ROBO2: variants seen among roughly 807,000 people sequenced by gnomAD.
ROBO2 encodes the protein roundabout guidance receptor 2, also known as roundabout homolog 2.
Under a neutral mutation model 160.8 loss-of-function variants are expected in ROBO2, and 53 were observed. That is an observed-to-expected ratio of 0.33 (90% confidence interval 0.26 to 0.41). The LOEUF (loss-of-function observed/expected upper bound fraction) is 0.41, where lower values mean the gene tolerates loss of function less well. Ranked by LOEUF, ROBO2 falls within the 10% of genes least tolerant of loss-of-function variation. The pLI is 1.00. For synonymous variants in ROBO2, 664 were observed against 611.7 expected, an observed-to-expected ratio of 1.09 and a Z score of -1.26; for missense variants, 1,577 against 1,722.4, an observed-to-expected ratio of 0.92 and a Z score of 1.49.
chr3:76,457,103 C>G (rs2077803364), intron 2 of ROBO2, among the ~76,000 whole-genome samples: 1 of 152,156 alleles, frequency 6.6e-6, no homozygotes, highest in South Asian at 2.1e-4. Flanking sequence ...ATTTCAAAAC[C>G]AACCATGCCT....
intron 16 of ROBO2, among the ~76,000 whole-genome samples, chr3:77,581,968 A>G (rs1373213751): frequency 6.6e-6 from 1 of 151,848 alleles, no homozygotes; most frequent in Non-Finnish European, 1.5e-5. Flanking sequence ...TTTTAAATTT[A>G]CCCTTTATTA....
chr3:76,857,030 G>T (rs1446802852), intron 2 of ROBO2, among the ~76,000 whole-genome samples: 1 of 152,116 alleles, frequency 6.6e-6, no homozygotes, highest in East Asian at 1.9e-4. Context: ...CTGTTGCCCA[G>T]GCTGGAGTGC....
intron 2 of ROBO2, among the ~76,000 whole-genome samples, chr3:75,957,280 G>T: frequency 6.7e-6 from 1 of 149,386 alleles, no homozygotes; most frequent in African/African-American, 2.5e-5. Flanking sequence ...CACACATTAG[G>T]TTTTCATTTG....
intron 2 of ROBO2, among the ~76,000 whole-genome samples, chr3:77,213,960 C>T (rs899486500): frequency 1.1e-4 from 17 of 152,084 alleles, no homozygotes; most frequent in Non-Finnish European, 2.2e-4. Context: ...GTTATCATTT[C>T]TGTTTTTTTA....
intron 2 of ROBO2, among the ~76,000 whole-genome samples, chr3:76,683,580 A>C (rs2092618961): frequency 6.6e-6 from 1 of 152,058 alleles, no homozygotes. Context: ...GTTGATTACA[A>C]ATGTTTCATT....
chr3:76,183,897 T>C (rs920218089), intron 2 of ROBO2, among the ~76,000 whole-genome samples: 3 of 152,184 alleles, frequency 2.0e-5, no homozygotes, highest in Non-Finnish European at 4.4e-5. Context: ...TAAGAATGAT[T>C]AATTTGATTT....
chr3:76,135,553 T>G (rs1170079030), intron 2 of ROBO2, among the ~76,000 whole-genome samples: 1 of 152,134 alleles, frequency 6.6e-6, no homozygotes, highest in Non-Finnish European at 1.5e-5. Flanking sequence ...GGGAAAGATG[T>G]TATGGGCTGG....
intron 2 of ROBO2, among the ~76,000 whole-genome samples, chr3:76,811,807 TTC>T (rs2065187895): frequency 1.5e-5 from 1 of 66,292 alleles, no homozygotes; most frequent in Non-Finnish European, 3.3e-5. Context: ...CCTTCCTTCC[TTC>T]CTTCCTTCCT....
At chr3:76,301,632 A>G (rs1709361789) in intron 2 of ROBO2, among the ~76,000 whole-genome samples, 1 of 152,050 alleles carries the variant, frequency 6.6e-6, no homozygotes, top group Non-Finnish European at 1.5e-5. Flanking sequence ...GAAAGTTACT[A>G]AAGTTGCTTT....
At chr3:76,913,232 C>G (rs144116776) in intron 2 of ROBO2, among the ~76,000 whole-genome samples, 1 of 152,052 alleles carries the variant, frequency 6.6e-6, no homozygotes, top group Non-Finnish European at 1.5e-5. Flanking sequence ...GATGAGTGAG[C>G]GTTTTAGGTG....
intron 2 of ROBO2, among the ~76,000 whole-genome samples, chr3:77,158,055 T>C (rs1452373782): frequency 6.6e-6 from 1 of 152,058 alleles, no homozygotes; most frequent in African/African-American, 2.4e-5. Flanking sequence ...AGTTGTCTAG[T>C]CCCTAAACAC....
At chr3:77,224,776 A>G (rs997774988) in intron 2 of ROBO2, among the ~76,000 whole-genome samples, 1 of 151,856 alleles carries the variant, frequency 6.6e-6, no homozygotes, top group Non-Finnish European at 1.5e-5. Context: ...GGGCAGAAGA[A>G]TCTTGATAGT....
rs1315057543 is a variant in ROBO2 at position 76,113,937 on chromosome 3, C to T, written c.109+176335C>T. Among the ~76,000 whole-genome samples the T allele has an allele frequency of 5.3e-5, 8 of 152,136 alleles. No homozygotes were observed. The East Asian group carries it at 1.4e-3, about 26-fold the overall frequency. On this transcript the variant is annotated intron_variant, in intron 2 of 26. Transcript: ENST00000487694. ...GCCCCTCTTCCTCTCTTTCTTGCCC[C>T]CTCTCTTGCCATGTGACACACCTGC...
intron 2 of ROBO2, among the ~76,000 whole-genome samples, chr3:77,438,358 G>C (rs2079540653): frequency 6.6e-6 from 1 of 151,810 alleles, no homozygotes; most frequent in Admixed American, 6.6e-5. Flanking sequence ...ACTGATTTCT[G>C]AGCATTTCAA....
At chr3:77,162,818 CTTTCTTTTTTCT>C (rs1270634079) in intron 2 of ROBO2, among the ~76,000 whole-genome samples, 1 of 151,920 alleles carries the variant, frequency 6.6e-6, no homozygotes, top group East Asian at 1.9e-4. Flanking sequence ...AGCAATGTTA[CTTTCTTTTTTCT>C]TTTCTTTTTT....
intron 2 of ROBO2, among the ~76,000 whole-genome samples, chr3:77,184,256 G>T (rs963351635): frequency 2.3e-4 from 35 of 152,038 alleles, no homozygotes; most frequent in South Asian, 1.2e-3. Context: ...GTGAAATACT[G>T]GGTCTTTTAA....
chr3:77,306,699 T>C (rs2063124137), intron 2 of ROBO2, among the ~76,000 whole-genome samples: 1 of 152,154 alleles, frequency 6.6e-6, no homozygotes, highest in African/African-American at 2.4e-5. Context: ...TCAGTCCATA[T>C]ATGGGAGAAA....
chr3:76,067,960 A>G (rs901503010), intron 2 of ROBO2, among the ~76,000 whole-genome samples: 1 of 152,226 alleles, frequency 6.6e-6, no homozygotes. Flanking sequence ...CTTAAAATCT[A>G]TTATTTAGAG....
chr3:77,282,175 GT>G (rs2060287130), intron 2 of ROBO2, among the ~76,000 whole-genome samples: 1 of 152,032 alleles, frequency 6.6e-6, no homozygotes, highest in African/African-American at 2.4e-5. Flanking sequence ...TTTTGATGCA[GT>G]TTGCAGATAT....
Sources: gnomAD v4.1 joint callset for allele counts (sites outside exome capture counted in the v4.1 genomes callset) on GRCh38, gnomAD v4.1.1 for gene constraint, MANE v1.5 for transcripts, NCBI Gene and HGNC (gene_info 2026-07-23, HGNC 2026-07-21) for gene names.